Variants in CADM2 observed in about 807,000 individuals in gnomAD.
The protein encoded by CADM2 is immunoglobulin superfamily member 4D.
In CADM2, 12 loss-of-function variants were observed where a neutral mutation model predicts 49.8. The observed-to-expected ratio is 0.24, with a 90% confidence interval of 0.15 to 0.39. The LOEUF (loss-of-function observed/expected upper bound fraction) is 0.39. CADM2 is among the 10% of genes least tolerant of loss of function. CADM2 has a pLI of 1.00. For synonymous variants in CADM2, 214 were observed against 175.4 expected, an observed-to-expected ratio of 1.22 and a Z score of -1.74; for missense variants, 378 against 492.3, an observed-to-expected ratio of 0.77 and a Z score of 2.20.
rs866881665 is a variant in CADM2 at position 85,154,837 on chromosome 3, C to G, written c.61+195169C>G. Among the ~76,000 whole-genome samples, 916 of 148,504 alleles carry G rather than the reference C, an allele frequency of 6.2e-3. 8 individuals are homozygous for G. Among genetic ancestry groups the G allele is most frequent in the African/African-American group, 0.021 (838 of 39,722 alleles). On this transcript the variant is annotated intron_variant, in intron 1 of 9. Coordinates refer to ENST00000383699, the MANE Select transcript of CADM2 (RefSeq NM_001167675.2). Reference sequence around the variant, plus strand: ...ACCCAGAATTTCATATCCAGCCAAACTAAGCTTCATAAGTGAAGGAGAAAT... The same window carrying G: ...ACCCAGAATTTCATATCCAGCCAAAGTAAGCTTCATAAGTGAAGGAGAAAT...
chr3:85,744,782 A>C (rs1224605551), intron 2 of CADM2, among the ~76,000 whole-genome samples: 1 of 152,102 alleles, frequency 6.6e-6, no homozygotes, highest in Non-Finnish European at 1.5e-5. Flanking sequence ...GGAGGAGAGA[A>C]GAGTGGATGA....
intron 1 of CADM2, among the ~76,000 whole-genome samples, chr3:85,079,869 A>T (rs1341773118): frequency 6.6e-6 from 1 of 151,930 alleles, no homozygotes; most frequent in South Asian, 2.1e-4. Flanking sequence ...CAAAATAAAC[A>T]TCATCACTAA....
At chr3:85,077,099 T>C (rs2036974646) in intron 1 of CADM2, among the ~76,000 whole-genome samples, 1 of 152,232 alleles carries the variant, frequency 6.6e-6, no homozygotes, top group African/African-American at 2.4e-5. Context: ...ATATTGCTTC[T>C]GTCTAGGGAA....
At chr3:85,135,389 G>T (rs1267514878) in intron 1 of CADM2, among the ~76,000 whole-genome samples, 1 of 151,930 alleles carries the variant, frequency 6.6e-6, no homozygotes, top group South Asian at 2.1e-4. Flanking sequence ...ATAATGAGGG[G>T]TACTTCGGTT....
rs139691347 is a variant in CADM2, at chr3:86,000,254, T to C, written c.970+38607T>C. 2.1e-3 allele frequency among the ~76,000 whole-genome samples: 318 copies of C among 152,246 alleles called. 6 individuals carry two copies. Among genetic ancestry groups the C allele is most frequent in the Admixed American group, 0.017 (265 of 15,288 alleles). On this transcript the variant is annotated intron_variant, in intron 8 of 9. Transcript: ENST00000383699. ...AGAGGGGATTGTTTTCTAAAAAGGA[T>C]AGAAAATTAGCATGGAGGGTACCTT...
chr3:85,234,961 G>A (rs1042972080), intron 1 of CADM2, among the ~76,000 whole-genome samples: 1 of 151,988 alleles, frequency 6.6e-6, no homozygotes, highest in Non-Finnish European at 1.5e-5. Flanking sequence ...ACTGGGTGTG[G>A]TGGTCATGTT....
At chr3:85,381,612 A>G (rs2033913532) in intron 1 of CADM2, among the ~76,000 whole-genome samples, 1 of 150,716 alleles carries the variant, frequency 6.6e-6, no homozygotes. Flanking sequence ...ATTAAAAGCC[A>G]CATAGCATTT....
rs1179805656 is a variant in CADM2, at chr3:85,109,197, C to T, written c.61+149529C>T. 2.0e-5 allele frequency among the ~76,000 whole-genome samples: 3 copies of T among 152,056 alleles called. No individual in the cohort carries two copies. The East Asian group carries it at 5.8e-4, about 29-fold the overall frequency. On this transcript the variant is annotated intron_variant, in intron 1 of 9. Coordinates refer to ENST00000383699, the MANE Select transcript of CADM2 (RefSeq NM_001167675.2). ...TGTATGCAAACAAATAATTCATAAG[C>T]ATCAACTGTCATAGCTATCCTCAAA...
rs373442786 is a variant in CADM2 at position 86,030,574 on chromosome 3, T to G, written c.971-35031T>G. ...ATGAATGTTAAATTGGTTTACTGAT[T>G]TTCAGATTTGCCCACACAAGTGAGC... On this transcript the variant is annotated intron_variant, in intron 8 of 9. Coordinates refer to ENST00000383699, the MANE Select transcript of CADM2 (RefSeq NM_001167675.2). Among the ~76,000 whole-genome samples the G allele has an allele frequency of 2.2e-3, 341 of 152,106 alleles. 3 individuals carry two copies. Among genetic ancestry groups the G allele is most frequent in the Middle Eastern group, 0.017 (5 of 294 alleles).
chr3:85,704,165 T>C (rs941420576), intron 1 of CADM2, among the ~76,000 whole-genome samples: 1 of 152,194 alleles, frequency 6.6e-6, no homozygotes, highest in Non-Finnish European at 1.5e-5. Flanking sequence ...TTTTGTTTAC[T>C]AAAAATCTCT....
intron 3 of CADM2, among the ~76,000 whole-genome samples, chr3:85,844,394 T>C (rs1203191208): frequency 6.6e-6 from 1 of 152,166 alleles, no homozygotes. Context: ...TTAAAATATG[T>C]TTAAATTTCC....
At chr3:85,832,912 G>A (rs941422094) in intron 3 of CADM2, among the ~76,000 whole-genome samples, 4 of 151,800 alleles carry the variant, frequency 2.6e-5, no homozygotes, top group African/African-American at 7.3e-5. Flanking sequence ...TCCAGCTTCC[G>A]CTCATTCAGT....
chr3:85,393,834 A>G (rs1336223216), intron 1 of CADM2, among the ~76,000 whole-genome samples: 1 of 152,132 alleles, frequency 6.6e-6, no homozygotes, highest in Non-Finnish European at 1.5e-5. Flanking sequence ...GTCTTAAAGA[A>G]GTGAAATATA....
intron 1 of CADM2, among the ~76,000 whole-genome samples, chr3:85,705,154 G>A (rs2066903188): frequency 6.7e-6 from 1 of 150,180 alleles, no homozygotes; most frequent in Non-Finnish European, 1.5e-5. Context: ...GTGTGAGCCA[G>A]TGCATCCCGC....
chr3:85,546,341 A>C (rs940062267), intron 1 of CADM2, among the ~76,000 whole-genome samples: 1 of 152,178 alleles, frequency 6.6e-6, no homozygotes, highest in Non-Finnish European at 1.5e-5. Flanking sequence ...TGATAGCATC[A>C]TCCAGATTTT....
chr3:86,000,274 T>G (rs1323015765), intron 8 of CADM2, among the ~76,000 whole-genome samples: 1 of 152,132 alleles, frequency 6.6e-6, no homozygotes, highest in East Asian at 1.9e-4. Context: ...GCATGGAGGG[T>G]ACCTTTAAAA....
At chr3:85,956,244 C>T (rs1056341534) in intron 7 of CADM2, among the ~76,000 whole-genome samples, 8 of 151,526 alleles carry the variant, frequency 5.3e-5, no homozygotes, top group African/African-American at 1.7e-4. Flanking sequence ...TAAATGATCT[C>T]TTTGGATGCC....
intron 1 of CADM2, among the ~76,000 whole-genome samples, chr3:85,348,153 A>G (rs915382317): frequency 3.9e-5 from 6 of 152,096 alleles, no homozygotes; most frequent in African/African-American, 1.4e-4. Context: ...TTGTCACCAA[A>G]TGTGCAGTAT....
chr3:85,188,049 G>A (rs2041106316), intron 1 of CADM2, among the ~76,000 whole-genome samples: 1 of 151,678 alleles, frequency 6.6e-6, no homozygotes, highest in Admixed American at 6.6e-5. Flanking sequence ...AATATTTCTA[G>A]AGTCAATATT....
Sources: gnomAD v4.1 joint callset for allele counts (sites outside exome capture counted in the v4.1 genomes callset) on GRCh38, gnomAD v4.1.1 for gene constraint, MANE v1.5 for transcripts, NCBI Gene and HGNC (gene_info 2026-07-23, HGNC 2026-07-21) for gene names.